Variants in HDAC4 observed in about 807,000 individuals in gnomAD.
The protein encoded by HDAC4 is histone deacetylase A.
In HDAC4, 16 loss-of-function variants were observed where a neutral mutation model predicts 135.1. The ratio of observed to expected loss-of-function variants is 0.12; its 90% confidence interval spans 0.08 to 0.18. The LOEUF is 0.18. HDAC4 is among the 10% of genes least tolerant of loss of function. The pLI, the probability that HDAC4 is intolerant of heterozygous loss-of-function variation, is 1.00. For missense variants in HDAC4, 1,143 were observed against 1,511.8 expected (o/e 0.76, Z 4.05); for synonymous variants, 685 against 653.4 (o/e 1.05, Z -0.74).
chr2:239,397,538 G>T (rs2126132201), intron 1 of HDAC4, among the ~76,000 whole-genome samples: 1 of 152,266 alleles, frequency 6.6e-6, no homozygotes, highest in East Asian at 1.9e-4. Context: ...TGTCAGCAAG[G>T]CCACAGCAAG....
intron 2 of HDAC4, among the ~76,000 whole-genome samples, chr2:239,338,220 C>T (rs1158476162): frequency 6.6e-6 from 1 of 152,164 alleles, no homozygotes; most frequent in East Asian, 1.9e-4. Context: ...CTAGACCTCC[C>T]GTGGCACCTC....
chr2:239,185,558 C>G (rs1420916485), intron 4 of HDAC4, among the ~76,000 whole-genome samples: 1 of 151,950 alleles, frequency 6.6e-6, no homozygotes, highest in East Asian at 1.9e-4. Context: ...AGAGATGCAC[C>G]CTGAGGTGGG....
intron 3 of HDAC4, among the ~76,000 whole-genome samples, chr2:239,212,599 C>A (rs1220767045): frequency 6.6e-6 from 1 of 152,196 alleles, no homozygotes; most frequent in Non-Finnish European, 1.5e-5. Flanking sequence ...CATACAGGGA[C>A]CAACCCCATT....
At chr2:239,066,220 C>T (rs575381599) in intron 24 of HDAC4, among the ~76,000 whole-genome samples, 6 of 152,172 alleles carry the variant, frequency 3.9e-5, no homozygotes, top group Non-Finnish European at 7.3e-5. Context: ...CTCCCTCCGG[C>T]GGTGTTGGTA....
At chr2:239,369,644 G>A (rs760205547) in intron 1 of HDAC4, among the ~76,000 whole-genome samples, 6 of 152,144 alleles carry the variant, frequency 3.9e-5, no homozygotes, top group Non-Finnish European at 5.9e-5. Context: ...CCGCGTACAC[G>A]GTGTAGCTGG....
chr2:239,185,544 G>C (rs543286159), intron 4 of HDAC4, among the ~76,000 whole-genome samples: 2 of 152,034 alleles, frequency 1.3e-5, no homozygotes, highest in Non-Finnish European at 2.9e-5. Flanking sequence ...TGTGCCTCCT[G>C]GGGAGAGATG....
At chr2:239,256,578 C>G (rs1019599104) in intron 2 of HDAC4, among the ~76,000 whole-genome samples, 15 of 152,262 alleles carry the variant, frequency 9.9e-5, no homozygotes, top group African/African-American at 3.6e-4. Flanking sequence ...CCTGCCAACA[C>G]TGGCTTCCTC....
intron 1 of HDAC4, among the ~76,000 whole-genome samples, chr2:239,395,807 G>A (rs1295859340): frequency 2.0e-5 from 3 of 150,802 alleles, no homozygotes; most frequent in African/African-American, 7.3e-5. Context: ...ATGCAGCCCC[G>A]ACCTCCACAC....
In HDAC4 at chr2:239,160,267, A is replaced by C. The variant is rs1280820041; in HGVS notation, c.612-3494T>G. On this transcript the variant is annotated intron_variant, in intron 6 of 26. Coordinates refer to ENST00000543185, the MANE Select transcript of HDAC4 (RefSeq NM_001378414.1). Reference sequence around the variant, plus strand: ...ATCGATATAAACATATTAATAAGACACCGTAGGTCCTTTCTTCAGACCAAG... The same window carrying C: ...ATCGATATAAACATATTAATAAGACCCCGTAGGTCCTTTCTTCAGACCAAG... 3.9e-5 allele frequency among the ~76,000 whole-genome samples: 6 copies of C among 152,222 alleles called. No individual in the cohort carries two copies. In the East Asian group the frequency reaches 1.2e-3, roughly 29 times the overall value.
chr2:239,169,412 G>A (rs116535343), intron 5 of HDAC4, among the ~76,000 whole-genome samples: 1,996 of 152,286 alleles, frequency 0.013, 52 homozygotes, highest in African/African-American at 0.045. Flanking sequence ...TCAAAGCCCC[G>A]CGCACAGGGC....
chr2:239,048,631 C>T lies in HDAC4; in HGVS notation c.*4466G>A, dbSNP rs1004133124. 2.6e-5 allele frequency: 4 copies of T among 151,860 alleles called. No individual in the cohort carries two copies. The highest frequency in any genetic ancestry group is 2.1e-4 in the South Asian group (1 of 4,800). The allele number at this position is 151,860 out of a possible 1,614,324, so 9.4% of individuals were successfully genotyped here. ...GTCATTCTCATCAATTGGAAAATAG[C>T]GCCTCCACTATGGAGCACACACGGC... is the stretch of plus-strand genomic sequence containing the variant. On this transcript the variant is annotated 3_prime_UTR_variant, in exon 27 of 27. Coordinates refer to ENST00000543185, the MANE Select transcript of HDAC4 (RefSeq NM_001378414.1).
intron 2 of HDAC4, among the ~76,000 whole-genome samples, chr2:239,326,320 G>T (rs780725568): frequency 1.3e-5 from 2 of 152,168 alleles, no homozygotes; most frequent in African/African-American, 4.8e-5. Context: ...AGTCAGATTC[G>T]CTGAGAAAGC....
intron 4 of HDAC4, among the ~76,000 whole-genome samples, chr2:239,185,823 G>A (rs779137137): frequency 1.1e-4 from 17 of 152,172 alleles, no homozygotes; most frequent in Non-Finnish European, 2.4e-4. Context: ...TTAAGGCCAG[G>A]AGTTCGAGCC....
intron 2 of HDAC4, among the ~76,000 whole-genome samples, chr2:239,258,704 G>A (rs751117472): frequency 1.3e-5 from 2 of 152,210 alleles, no homozygotes; most frequent in African/African-American, 2.4e-5. Flanking sequence ...GGGTTTACAC[G>A]TGTGGATATA....
intron 1 of HDAC4, among the ~76,000 whole-genome samples, chr2:239,375,012 C>T (rs1342718392): frequency 4.6e-5 from 7 of 152,122 alleles, no homozygotes; most frequent in East Asian, 3.9e-4. Flanking sequence ...GGCACCTGGA[C>T]GGGTGGGTGT....
At chr2:239,135,951 C>A (rs1379801026) in intron 9 of HDAC4, among the ~76,000 whole-genome samples, 1 of 152,214 alleles carries the variant, frequency 6.6e-6, no homozygotes, top group African/African-American at 2.4e-5. Context: ...GAAGGCCACA[C>A]AGGAAGAGTC....
Position 239,352,287 on chromosome 2 carries a change from G to A in HDAC4, c.22+391C>T, listed in dbSNP as rs1456844718. Among the ~76,000 whole-genome samples the A allele has an allele frequency of 1.3e-5, 2 of 152,054 alleles. No individual in the cohort carries two copies. Among genetic ancestry groups the A allele is most frequent in the African/African-American group, 2.4e-5 (1 of 41,396 alleles). On this transcript the variant is annotated intron_variant, in intron 2 of 26. Coordinates refer to ENST00000543185, the MANE Select transcript of HDAC4 (RefSeq NM_001378414.1). This position sits in a 1 kb window ranked among gnomAD's most constrained non-coding sequence, Gnocchi z 4.4. ...GAGCTTCTTCCCAGACAGCCCAGACGCCCAGTTGGAGGAGCACTCCCACCC... is the reference window on the plus strand; with the variant it reads ...GAGCTTCTTCCCAGACAGCCCAGACACCCAGTTGGAGGAGCACTCCCACCC...
rs757585161 is a variant in HDAC4, at chr2:239,303,013, G to A, written c.22+49665C>T. ...GGGCACTCTGCATGCTGGGCTGGGC[G>A]TCACCCCTGCCACCTCGGGAGTCCT... On this transcript the variant is annotated intron_variant, in intron 2 of 26. Transcript: ENST00000543185. The surrounding 1 kb of genome is among the most constrained non-coding windows in gnomAD (Gnocchi z 5.1). Among the ~76,000 whole-genome samples the A allele has an allele frequency of 2.6e-5, 4 of 152,158 alleles. No individual in the cohort carries two copies. Among genetic ancestry groups the A allele is most frequent in the South Asian group, 4.1e-4 (2 of 4,830 alleles).
chr2:239,321,464 CAAAAAAAAAAAAAAAAAA>C (rs10530231), intron 2 of HDAC4, among the ~76,000 whole-genome samples: 9 of 56,278 alleles, frequency 1.6e-4, no homozygotes, highest in Non-Finnish European at 2.3e-4. Context: ...GACTCCGTCT[CAAAAAAAAAAAAAAAAAA>C]AAAAAAAAAG....
Sources: gnomAD v4.1 joint callset for allele counts (sites outside exome capture counted in the v4.1 genomes callset) on GRCh38, gnomAD v4.1.1 for gene constraint, Gnocchi (gnomAD v3.1) non-coding constraint, MANE v1.5 for transcripts, NCBI Gene and HGNC (gene_info 2026-07-23, HGNC 2026-07-21) for gene names.